TVP23A: variants seen among roughly 807,000 people sequenced by gnomAD.
TVP23A encodes trans-golgi network vesicle protein 23 homolog A.
TVP23A carries 21 observed loss-of-function variants against 31.7 expected under a neutral mutation model. The ratio of observed to expected loss-of-function variants is 0.66; its 90% CI spans 0.47 to 0.95. The LOEUF (loss-of-function observed/expected upper bound fraction) is 0.95. TVP23A is among the 40% of genes least tolerant of loss of function. The pLI, the probability that TVP23A is intolerant of heterozygous loss-of-function variation, is 0.00. For missense variants in TVP23A, 279 were observed against 255.6 expected, an observed-to-expected ratio of 1.09 and a Z score of -0.62; for synonymous variants, 104 against 96.0, an observed-to-expected ratio of 1.08 and a Z score of -0.49.
intron 2 of TVP23A, among the ~76,000 whole-genome samples, chr16:10,800,974 G>A (rs533013794): frequency 1.3e-5 from 2 of 152,286 alleles, no homozygotes; most frequent in South Asian, 4.1e-4. Flanking sequence ...CTGGGCAACA[G>A]AGCAAGACCC....
intron 2 of TVP23A, among the ~76,000 whole-genome samples, chr16:10,811,718 C>G (rs918023956): frequency 2.0e-5 from 3 of 151,842 alleles, no homozygotes; most frequent in African/African-American, 7.3e-5. Context: ...TCCTGGCTAA[C>G]ATGGTGAAAC....
intron 2 of TVP23A, among the ~76,000 whole-genome samples, chr16:10,788,660 A>G (rs1461060053): frequency 6.6e-6 from 1 of 152,204 alleles, no homozygotes; most frequent in African/African-American, 2.4e-5. Context: ...CTATTTATTG[A>G]GTACAGTCAC....
chr16:10,762,596 C>A (rs149198602), downstream of TVP23A, among the ~76,000 whole-genome samples: 1 of 152,270 alleles, frequency 6.6e-6, no homozygotes, highest in East Asian at 1.9e-4. Flanking sequence ...GGGGCTCCTG[C>A]GGGGCGTCCA....
chr16:10,762,163 GGCTC>G (rs1228775479), downstream of TVP23A: 1 of 249,228 alleles, frequency 4.0e-6, no homozygotes, highest in African/African-American at 2.2e-5. Context: ...ATAGAGGGGC[GGCTC>G]CAGGGGATGC....
At chr16:10,784,675 TTCA>T (rs1329016072) in intron 2 of TVP23A, among the ~76,000 whole-genome samples, 1 of 152,146 alleles carries the variant, frequency 6.6e-6, no homozygotes, top group Non-Finnish European at 1.5e-5. Context: ...AATGTATTGG[TTCA>T]TCAAGTGTAA....
At chr16:10,775,696 A>T in intron 2 of TVP23A, 1 of 242,374 alleles carries the variant, frequency 4.1e-6, no homozygotes, top group Non-Finnish European at 6.6e-6. Context: ...GGCCAGAAAG[A>T]AGAGAGGGAG....
rs1177318963 is a variant in TVP23A, at chr16:10,777,037, C to A, written c.90-1941G>T. Among the ~76,000 whole-genome samples, 1 of 152,138 alleles carries A rather than the reference C, an allele frequency of 6.6e-6. No homozygotes were observed. Among genetic ancestry groups the A allele is most frequent in the Non-Finnish European group, 1.5e-5 (1 of 68,034 alleles). ...CTATCTCATCCTGTGACTTAGAATG[C>A]CTTAACCGTCCAGGAATGCAGCCCA... On this transcript the variant is annotated intron_variant, in intron 2 of 7. Coordinates refer to ENST00000299866, the MANE Select transcript of TVP23A (RefSeq NM_001079512.4). The surrounding 1 kb of genome is among the most constrained non-coding windows in gnomAD (Gnocchi z 4.5).
chr16:10,767,681 A>G lies in TVP23A; in HGVS notation c.*1421T>C. ...ATGCAGACTCCTGGGCCCATGTGGA[A>G]GCTGCTGAATCAGTTCTCTGTAGGG... On this transcript the variant is annotated 3_prime_UTR_variant, in exon 8 of 8. Transcript: ENST00000299866. This position sits in a 1 kb window ranked among gnomAD's most constrained non-coding sequence, Gnocchi z 4.6. 2.0e-6 allele frequency: 1 copy of G among 509,104 alleles called. No homozygotes were observed. The highest frequency in any genetic ancestry group is 3.5e-6 in the Non-Finnish European group (1 of 287,114). The allele number at this position is 509,104 out of a possible 1,614,324, so 31.5% of individuals were successfully genotyped here.
At chr16:10,799,436 T>A (rs1412949660) in intron 2 of TVP23A, among the ~76,000 whole-genome samples, 1 of 152,178 alleles carries the variant, frequency 6.6e-6, no homozygotes, top group Non-Finnish European at 1.5e-5. Context: ...CAGGTTCAAA[T>A]GATTCTACTG....
chr16:10,763,184 G>A (rs191064029), downstream of TVP23A, among the ~76,000 whole-genome samples: 159 of 152,196 alleles, frequency 1.0e-3, no homozygotes, highest in Middle Eastern at 3.4e-3. Flanking sequence ...TAAGGGGCTC[G>A]GGGGCTCAGG....
intron 2 of TVP23A, among the ~76,000 whole-genome samples, chr16:10,793,251 G>C (rs1224484390): frequency 6.6e-6 from 1 of 152,136 alleles, no homozygotes; most frequent in African/African-American, 2.4e-5. Context: ...ACTCCAGCCT[G>C]GGCGACACAG....
chr16:10,786,271 T>C (rs1276699506), intron 2 of TVP23A, among the ~76,000 whole-genome samples: 1 of 152,098 alleles, frequency 6.6e-6, no homozygotes, highest in African/African-American at 2.4e-5. Flanking sequence ...GATCTAACAA[T>C]GTCTTTAAAA....
At chr16:10,817,160 G>A (rs2034480670) in intron 2 of TVP23A, among the ~76,000 whole-genome samples, 1 of 152,194 alleles carries the variant, frequency 6.6e-6, no homozygotes, top group Admixed American at 6.5e-5. Context: ...CACTGACTGT[G>A]GACTTCTGGC....
chr16:10,800,030 T>C (rs9930801), intron 2 of TVP23A, among the ~76,000 whole-genome samples: 145 of 137,650 alleles, frequency 1.1e-3, no homozygotes, highest in Admixed American at 2.5e-3. Context: ...TTTTTTTTTT[T>C]TCGCACTGGC....
intron 2 of TVP23A, among the ~76,000 whole-genome samples, chr16:10,795,235 A>G (rs1260965737): frequency 6.7e-6 from 1 of 149,600 alleles, no homozygotes; most frequent in African/African-American, 2.5e-5. Context: ...GTCTGCATCC[A>G]TGAGTTTATA....
At chr16:10,805,568 C>G (rs776896179) in intron 2 of TVP23A, among the ~76,000 whole-genome samples, 1 of 147,790 alleles carries the variant, frequency 6.8e-6, no homozygotes, top group Non-Finnish European at 1.5e-5. Context: ...GCTCCTGTCA[C>G]GAGTGAAGGG....
In TVP23A at chr16:10,767,633, C is replaced by A; in HGVS notation, c.*1469G>T. The A allele has an allele frequency of 2.3e-6, 1 of 428,826 alleles. No individual in the cohort carries two copies. Among genetic ancestry groups the A allele is most frequent in the Non-Finnish European group, 4.1e-6 (1 of 243,246 alleles). The allele number at this position is 428,826 out of a possible 1,614,324, so 26.6% of individuals were successfully genotyped here. On this transcript the variant is annotated 3_prime_UTR_variant, in exon 8 of 8. Transcript: ENST00000299866. The surrounding 1 kb of genome is among the most constrained non-coding windows in gnomAD (Gnocchi z 4.6). Reference sequence around the variant, plus strand: ...TAACCATGTGCATTCATGATCCTTTCACTCAAAAGCTAATCTCTTAAAATG... The same window carrying A: ...TAACCATGTGCATTCATGATCCTTTAACTCAAAAGCTAATCTCTTAAAATG...
intron 6 of TVP23A, among the ~76,000 whole-genome samples, chr16:10,771,207 G>A (rs2031590499): frequency 6.6e-6 from 1 of 152,130 alleles, no homozygotes; most frequent in African/African-American, 2.4e-5. Context: ...ATTTTAAAAT[G>A]GTTACAATGG....
chr16:10,784,997 T>C (rs1431123114), intron 2 of TVP23A, among the ~76,000 whole-genome samples: 2 of 151,002 alleles, frequency 1.3e-5, no homozygotes, highest in Admixed American at 1.3e-4. Context: ...CCTGGGAAAC[T>C]GAGGCAGGAG....
Sources: allele counts gnomAD v4.1 joint callset (sites outside exome capture counted in the v4.1 genomes callset), GRCh38; gene constraint gnomAD v4.1.1; non-coding constraint Gnocchi (gnomAD v3.1); transcripts MANE v1.5; gene names NCBI Gene and HGNC (gene_info 2026-07-23, HGNC 2026-07-21).